PLEKHH2: variants seen among roughly 807,000 people sequenced by gnomAD.
The protein encoded by PLEKHH2 is pleckstrin homology, MyTH4 and FERM domain containing H2, also known as pleckstrin homology domain-containing family H member 2.
A neutral mutation model predicts 187.9 loss-of-function variants in PLEKHH2; 129 were observed. That is an observed-to-expected ratio of 0.69 (90% CI 0.59 to 0.79). The LOEUF (loss-of-function observed/expected upper bound fraction) is 0.79, where lower values mean the gene tolerates loss of function less well. PLEKHH2 is among the 30% of genes least tolerant of loss of function. The probability of loss-of-function intolerance (pLI) is 0.00; values close to 1 mark genes in which losing one functional copy is unlikely to be tolerated. For synonymous variants in PLEKHH2, 686 were observed against 605.6 expected (o/e 1.13, Z -1.95); for missense variants, 2,076 against 1,751.2 (o/e 1.19, Z -3.31).
chr2:43,640,272 A>G (rs1420000271), intron 1 of PLEKHH2, among the ~76,000 whole-genome samples: 1 of 150,080 alleles, frequency 6.7e-6, no homozygotes, highest in East Asian at 2.0e-4. Flanking sequence ...GCAGTGTATG[A>G]TCATAGCTCA....
chr2:43,669,282 A>C (rs1279178918), intron 2 of PLEKHH2, among the ~76,000 whole-genome samples: 1 of 152,182 alleles, frequency 6.6e-6, no homozygotes, highest in African/African-American at 2.4e-5. Context: ...ATTCAGCCTC[A>C]CTCATACTTA....
chr2:43,666,820 T>C (rs1006419235), intron 2 of PLEKHH2, among the ~76,000 whole-genome samples: 1 of 152,222 alleles, frequency 6.6e-6, no homozygotes, highest in African/African-American at 2.4e-5. Context: ...ATTCTTGAAT[T>C]GTAAAAATTC....
At chr2:43,646,910 T>G (rs1666210556) in intron 2 of PLEKHH2, among the ~76,000 whole-genome samples, 1 of 151,856 alleles carries the variant, frequency 6.6e-6, no homozygotes, top group Non-Finnish European at 1.5e-5. Context: ...TTTTACACAT[T>G]GGAAAGTAGA....
At position 43,706,215 on chromosome 2, in the gene PLEKHH2, C is replaced by T. The variant is rs9678037; in HGVS notation, c.1727-107C>T. 36 of 789,526 alleles carry T rather than the reference C, an allele frequency of 4.6e-5. 1 individual carries two copies. The South Asian group carries it at 4.7e-4, about 10-fold the overall frequency. 48.9% of individuals were successfully genotyped at this position (789,526 alleles called of 1,614,324 possible). On this transcript the variant is annotated intron_variant, in intron 9 of 29. Transcript: ENST00000282406. The stretch of plus-strand genomic sequence containing the variant: ...ATACAGTTAGTAATCATGTATTAAT[C>T]GAATTGCTTTTTAAATGGAGATTAT...
intron 25 of PLEKHH2, 118 bp downstream of exon 25, chr2:43,753,878 G>C (rs1672100699): frequency 1.1e-6 from 1 of 907,664 alleles, no homozygotes; most frequent in Non-Finnish European, 1.5e-6. Flanking sequence ...GCTACAATTA[G>C]CACCTTAAAA....
chr2:43,702,848 G>C (rs759574890), intron 8 of PLEKHH2, among the ~76,000 whole-genome samples: 3 of 152,088 alleles, frequency 2.0e-5, no homozygotes, highest in Non-Finnish European at 4.4e-5. Flanking sequence ...ACCTCCGATA[G>C]AAACAAGTGA....
intron 16 of PLEKHH2, among the ~76,000 whole-genome samples, chr2:43,721,631 C>T (rs1231373826): frequency 6.6e-6 from 1 of 152,182 alleles, no homozygotes; most frequent in African/African-American, 2.4e-5. Flanking sequence ...TGCCTATAAT[C>T]CCAGCACTTT....
At chr2:43,758,854 G>A in intron 26 of PLEKHH2, 46 bp from the exon 27 acceptor site, 2 of 1,487,444 alleles carry the variant, frequency 1.3e-6, no homozygotes, top group South Asian at 1.3e-5. Flanking sequence ...CACTGTTTAT[G>A]TTTTTGCTTT....
intron 25 of PLEKHH2, 69 bp downstream of exon 25, chr2:43,753,829 G>A (rs533577257): frequency 2.3e-4 from 280 of 1,240,500 alleles, no homozygotes; most frequent in Middle Eastern, 7.3e-4. Context: ...TGAATTAAAC[G>A]TAAAATAATA....
chr2:43,727,005 A>C (rs1670781869), intron 17 of PLEKHH2, among the ~76,000 whole-genome samples: 1 of 152,182 alleles, frequency 6.6e-6, no homozygotes, highest in African/African-American at 2.4e-5. Flanking sequence ...TATTATTTTC[A>C]TCTCATACAG....
At chr2:43,671,523 G>C (rs984708380) in intron 2 of PLEKHH2, among the ~76,000 whole-genome samples, 1 of 152,174 alleles carries the variant, frequency 6.6e-6, no homozygotes, top group African/African-American at 2.4e-5. Flanking sequence ...TTGAGTAGAA[G>C]TGGTAAAACG....
At chr2:43,750,677 G>T (rs1365809379) in intron 24 of PLEKHH2, among the ~76,000 whole-genome samples, 1 of 152,148 alleles carries the variant, frequency 6.6e-6, no homozygotes, top group Non-Finnish European at 1.5e-5. Context: ...CCATCTCACA[G>T]ATGAGGTAAC....
In PLEKHH2 at chr2:43,758,919, T is replaced by C; in HGVS notation, c.3961T>C (p.Ser1321Pro). The change falls in exon 27 of 30, where the codon TCA (serine) becomes CCA (proline). Residue 1321 changes from serine (S) to proline (P), a missense_variant. Ser to Pro is a moderately conservative substitution (Grantham distance 74). Transcript: ENST00000282406. ...TTTTAGGCAGCTTTGCCAGCGACTTTCAACCAGATGGATGGCCCTCCGGGG... is the reference window on the plus strand; with the variant it reads ...TTTTAGGCAGCTTTGCCAGCGACTTCCAACCAGATGGATGGCCCTCCGGGG... ...EQLRQLCQRL[S>P]TRWMALRGHS... The C allele has an allele frequency of 6.3e-7, 1 of 1,590,752 alleles. No homozygotes were observed. The highest frequency in any genetic ancestry group is 1.8e-5 in the Admixed American group (1 of 56,994).
At chr2:43,677,854 A>G (rs1174851416) in intron 2 of PLEKHH2, among the ~76,000 whole-genome samples, 1 of 138,126 alleles carries the variant, frequency 7.2e-6, no homozygotes, top group Non-Finnish European at 1.6e-5. Flanking sequence ...TCCCTCCCGG[A>G]CGGGGCGGCT....
At chr2:43,723,709 T>C (rs1036838173) in intron 16 of PLEKHH2, among the ~76,000 whole-genome samples, 3 of 152,232 alleles carry the variant, frequency 2.0e-5, no homozygotes, top group African/African-American at 4.8e-5. Flanking sequence ...ATAACCCTTA[T>C]GCCAAAGTGA....
At chr2:43,695,430 A>G (rs1669038174) in intron 6 of PLEKHH2, among the ~76,000 whole-genome samples, 1 of 152,250 alleles carries the variant, frequency 6.6e-6, no homozygotes, top group Non-Finnish European at 1.5e-5. Flanking sequence ...GATGGAATTG[A>G]TGATGTCTAC....
intron 1 of PLEKHH2, among the ~76,000 whole-genome samples, chr2:43,641,794 C>A (rs1161669485): frequency 6.6e-6 from 1 of 152,166 alleles, no homozygotes; most frequent in Non-Finnish European, 1.5e-5. Flanking sequence ...TGCCAAAAAT[C>A]AATGTGAGGC....
rs1227035069 is a variant in PLEKHH2, at chr2:43,766,533, A to G, written c.*935A>G. ...GGTCTTGAACTCCTGGCCTCAAGCAATCCTCTCTCCTCAGCCTCCCAAAGT... is the reference window on the plus strand; with the variant it reads ...GGTCTTGAACTCCTGGCCTCAAGCAGTCCTCTCTCCTCAGCCTCCCAAAGT... On this transcript the variant is annotated 3_prime_UTR_variant, in exon 30 of 30. Coordinates refer to ENST00000282406, the MANE Select transcript of PLEKHH2 (RefSeq NM_172069.4). The G allele has an allele frequency of 1.3e-5, 2 of 152,744 alleles. No homozygotes were observed. The highest frequency in any genetic ancestry group is 2.4e-5 in the African/African-American group (1 of 41,380). The allele number at this position is 152,744 out of a possible 1,614,324, so 9.5% of individuals were successfully genotyped here. A position where few individuals can be genotyped will look rare whatever the true frequency, so the allele number is the denominator to read the frequency against.
At chr2:43,639,219 C>G (rs1163524287) in intron 1 of PLEKHH2, among the ~76,000 whole-genome samples, 1 of 152,120 alleles carries the variant, frequency 6.6e-6, no homozygotes, top group Non-Finnish European at 1.5e-5. Flanking sequence ...TAAACTGCGA[C>G]TTTTTCTTTA....
Sources: gnomAD v4.1 joint callset for allele counts (sites outside exome capture counted in the v4.1 genomes callset) on GRCh38, gnomAD v4.1.1 for gene constraint, MANE v1.5 for transcripts, NCBI Gene and HGNC (gene_info 2026-07-23, HGNC 2026-07-21) for gene names.